PM20D1: variants seen among roughly 807,000 people sequenced by gnomAD.
The protein encoded by PM20D1 is N-fatty-acyl-amino acid synthase/hydrolase PM20D1.
Under a neutral mutation model 53.8 loss-of-function variants are expected in PM20D1, and 53 were observed. The observed-to-expected ratio is 0.98, with a 90% CI of 0.79 to 1.24. The LOEUF (loss-of-function observed/expected upper bound fraction) is 1.24, where lower values mean the gene tolerates loss of function less well. Among genes scored for constraint, PM20D1 ranks in the 50% most tolerant of loss-of-function variants. The pLI is 0.00. For synonymous variants in PM20D1, 239 were observed against 241.3 expected (o/e 0.99, Z 0.09); for missense variants, 564 against 616.8 (o/e 0.91, Z 0.91).
chr1:205,834,908 G>A (rs928073075), intron 10 of PM20D1, among the ~76,000 whole-genome samples: 4 of 152,284 alleles, frequency 2.6e-5, no homozygotes, highest in East Asian at 1.9e-4. Context: ...TCTCATTTCC[G>A]CATTTCCAGT....
chr1:205,840,230 G>A, intron 10 of PM20D1, 22 bp downstream of exon 10: 1 of 1,605,322 alleles, frequency 6.2e-7, no homozygotes, highest in South Asian at 1.1e-5. Context: ...ATGAGTTGTT[G>A]TCTGGAACAT....
intron 1 of PM20D1, among the ~76,000 whole-genome samples, chr1:205,848,217 A>C (rs1355256832): frequency 6.6e-6 from 1 of 152,210 alleles, no homozygotes; most frequent in Non-Finnish European, 1.5e-5. Context: ...GGGTTTGTTT[A>C]GGCTGATATG....
At chr1:205,830,501 T>G (rs1407678972) in intron 11 of PM20D1, 122 bp from the exon 12 acceptor site, 13 of 683,754 alleles carry the variant, frequency 1.9e-5, no homozygotes, top group Non-Finnish European at 2.9e-5. Flanking sequence ...ATGCCTGGGC[T>G]CTCCTGAAAG....
chr1:205,836,592 C>T (rs924075002), intron 10 of PM20D1, among the ~76,000 whole-genome samples: 2 of 152,166 alleles, frequency 1.3e-5, no homozygotes, highest in East Asian at 1.9e-4. Flanking sequence ...ACTGTAACTT[C>T]CAACTTCTGG....
chr1:205,845,910 C>G (rs1047830210), intron 2 of PM20D1, among the ~76,000 whole-genome samples: 1 of 151,894 alleles, frequency 6.6e-6, no homozygotes, highest in East Asian at 1.9e-4. Context: ...TGGCGAAACC[C>G]TGTCTCTACT....
Position 205,843,792 on chromosome 1 carries a change from G to A in PM20D1, c.708-6C>T, listed in dbSNP as rs747862752. On this transcript the variant is annotated splice_region_variant and splice_polypyrimidine_tract_variant and intron_variant, in intron 5 of 12. Coordinates refer to ENST00000367136, the MANE Select transcript of PM20D1 (RefSeq NM_152491.5). ...CCTTCTCTGAGACTGCAATCCTGTAGAAGAGGATCGGAAACCACTCTCCTG... is the reference window on the plus strand; with the variant it reads ...CCTTCTCTGAGACTGCAATCCTGTAAAAGAGGATCGGAAACCACTCTCCTG... 6 of 1,612,784 alleles carry A rather than the reference G, an allele frequency of 3.7e-6. No individual in the cohort carries two copies. The Admixed American group carries it at 1.0e-4, about 27-fold the overall frequency.
At chr1:205,836,235 G>A (rs998184412) in intron 10 of PM20D1, among the ~76,000 whole-genome samples, 3 of 152,170 alleles carry the variant, frequency 2.0e-5, no homozygotes, top group Admixed American at 1.3e-4. Context: ...TGTTTTATGT[G>A]TAGAGATATT....
chr1:205,844,177 T>C lies in PM20D1; in HGVS notation c.617A>G (p.Gln206Arg). Reference protein sequence around the residue: ...TGAQRISALLQSRGVQLAFIV... With the variant: ...TGAQRISALLRSRGVQLAFIV... ...GAAGGCTAGCTGGACGCCCCTTGACTGTAGCAGGGCTGAGATCCTCTGAGC... is the reference window on the plus strand; with the variant it reads ...GAAGGCTAGCTGGACGCCCCTTGACCGTAGCAGGGCTGAGATCCTCTGAGC... Residue 206 changes from glutamine (Q) to arginine (R), a missense_variant, in exon 5 of 13, where the codon CAG becomes CGG. Physicochemically the swap from Gln to Arg is conservative, Grantham distance 43. Coordinates refer to ENST00000367136, the MANE Select transcript of PM20D1 (RefSeq NM_152491.5). 15 of 1,613,828 alleles carry C rather than the reference T, an allele frequency of 9.3e-6. No individual in the cohort carries two copies. Among genetic ancestry groups the C allele is most frequent in the Non-Finnish European group, 1.3e-5 (15 of 1,179,844 alleles).
intron 2 of PM20D1, among the ~76,000 whole-genome samples, chr1:205,846,005 C>A (rs1656948450): frequency 6.6e-6 from 1 of 150,900 alleles, no homozygotes; most frequent in African/African-American, 2.4e-5. Flanking sequence ...ATCGCTTGAA[C>A]CTGGGAGGCA....
rs532603279 is a variant in PM20D1, at chr1:205,845,072, C to T, written c.490-175G>A. On this transcript the variant is annotated intron_variant, in intron 3 of 12. Transcript: ENST00000367136. ...GGGGACCTGATGCGGAGAAACAGAA[C>T]GTTTACCACCTGGAGAAGAGCATAA... 7.9e-5 allele frequency among the ~76,000 whole-genome samples: 12 copies of T among 152,238 alleles called. No individual in the cohort carries two copies. In the South Asian group the frequency reaches 2.5e-3, roughly 32 times the overall value.
intron 12 of PM20D1, chr1:205,829,927 T>C: frequency 5.1e-6 from 1 of 196,388 alleles, no homozygotes; most frequent in Non-Finnish European, 1.0e-5. Context: ...TGCTGAGGAG[T>C]CTCCCCATTT....
chr1:205,830,025 C>T (rs1191217441), intron 12 of PM20D1: 1 of 389,470 alleles, frequency 2.6e-6, no homozygotes, highest in East Asian at 4.5e-5. Context: ...ACCGATTCCA[C>T]CAGGTTCTCC....
chr1:205,843,836 T>C (rs1656876100), intron 5 of PM20D1, 50 bp from the exon 6 acceptor site: 3 of 1,597,976 alleles, frequency 1.9e-6, no homozygotes, highest in Non-Finnish European at 2.6e-6. Context: ...CCTCTCTGAA[T>C]TCTCCCATAG....
In PM20D1 at chr1:205,844,225, C is replaced by A; in HGVS notation, c.577-8G>T. The A allele has an allele frequency of 6.2e-7, 1 of 1,604,288 alleles. No individual in the cohort carries two copies. Among genetic ancestry groups the A allele is most frequent in the East Asian group, 2.2e-5 (1 of 44,770 alleles). ...AGCCCCTGTCCCTGATGACTGCAGA[C>A]ATGGAACATAGAGCTATAGTCCTTC... On this transcript the variant is annotated splice_region_variant and splice_polypyrimidine_tract_variant and intron_variant, in intron 4 of 12. Coordinates refer to ENST00000367136, the MANE Select transcript of PM20D1 (RefSeq NM_152491.5).
intron 12 of PM20D1, among the ~76,000 whole-genome samples, 162 bp from the exon 13 acceptor site, chr1:205,828,905 G>A (rs823085): frequency 0.86 from 131,006 of 152,242 alleles, 57,144 homozygotes; most frequent in Non-Finnish European, 0.94. Context: ...CTGAGATTTC[G>A]GATGCACATT....
At chr1:205,846,116 G>A (rs1004979794) in intron 2 of PM20D1, among the ~76,000 whole-genome samples, 3 of 151,590 alleles carry the variant, frequency 2.0e-5, no homozygotes, top group African/African-American at 7.3e-5. Context: ...GCCAGGCGTG[G>A]TGGCTCATGC....
At position 205,830,438 on chromosome 1, in the gene PM20D1, G is replaced by A. The variant is rs543516881; in HGVS notation, c.1286-59C>T. 4.7e-5 allele frequency: 61 copies of A among 1,284,538 alleles called. No homozygotes were observed. The East Asian group carries it at 1.3e-3, about 27-fold the overall frequency. 79.6% of individuals were successfully genotyped at this position (1,284,538 alleles called of 1,614,324 possible). On this transcript the variant is annotated intron_variant, in intron 11 of 12. Coordinates refer to ENST00000367136, the MANE Select transcript of PM20D1 (RefSeq NM_152491.5). ...ACATGAGCAATCAAACCAGCGAAGT[G>A]GCTGGGGTGTGGCCTGGCTGGAAAA... is the stretch of plus-strand genomic sequence containing the variant.
At chr1:205,842,071 G>A in intron 8 of PM20D1, 83 bp downstream of exon 8, 2 of 1,392,058 alleles carry the variant, frequency 1.4e-6, no homozygotes, top group East Asian at 2.3e-5. Context: ...GATTAGTCAG[G>A]CCCAGTTAAG....
intron 10 of PM20D1, among the ~76,000 whole-genome samples, chr1:205,833,871 A>G (rs1656621233): frequency 6.6e-6 from 1 of 151,498 alleles, no homozygotes; most frequent in African/African-American, 2.4e-5. Context: ...TTTTTGAGAC[A>G]GAATCTCACT....
Sources: allele counts gnomAD v4.1 joint callset (sites outside exome capture counted in the v4.1 genomes callset), GRCh38; gene constraint gnomAD v4.1.1; transcripts MANE v1.5; gene names NCBI Gene and HGNC (gene_info 2026-07-23, HGNC 2026-07-21).